The following CHCHD3 variants were observed in gnomAD, a reference collection of about 807,000 sequenced individuals.
CHCHD3 encodes MICOS complex subunit MIC19.
Under a neutral mutation model 38.2 loss-of-function variants are expected in CHCHD3, and 20 were observed. The ratio of observed to expected loss-of-function variants is 0.52; its 90% CI spans 0.37 to 0.76. The LOEUF is 0.76. Ranked by LOEUF, CHCHD3 falls within the 30% of genes least tolerant of loss-of-function variation. The probability of loss-of-function intolerance (pLI) is 0.00; values close to 1 mark genes in which losing one functional copy is unlikely to be tolerated. For synonymous variants in CHCHD3, 82 were observed against 100.0 expected (o/e 0.82, Z 1.07); for missense variants, 245 against 279.2 (o/e 0.88, Z 0.87).
At chr7:132,963,663 C>G (rs965529128) in intron 4 of CHCHD3, among the ~76,000 whole-genome samples, 38 of 148,422 alleles carry the variant, frequency 2.6e-4, no homozygotes, top group African/African-American at 9.1e-4. Flanking sequence ...CCTAGTGTCT[C>G]TACCTTTACC....
At chr7:133,075,350 T>C (rs1019590173) in intron 1 of CHCHD3, among the ~76,000 whole-genome samples, 1 of 152,162 alleles carries the variant, frequency 6.6e-6, no homozygotes, top group Non-Finnish European at 1.5e-5. Flanking sequence ...ACTCCACCTT[T>C]CTCTTGTTCT....
intron 2 of CHCHD3, among the ~76,000 whole-genome samples, chr7:133,061,182 G>A (rs1169372663): frequency 6.6e-6 from 1 of 152,016 alleles, no homozygotes; most frequent in Non-Finnish European, 1.5e-5. Flanking sequence ...ACAGAGGAAT[G>A]GCATGATTAG....
intron 5 of CHCHD3, among the ~76,000 whole-genome samples, chr7:132,879,062 T>G (rs969724477): frequency 6.6e-6 from 1 of 152,140 alleles, no homozygotes; most frequent in African/African-American, 2.4e-5. Context: ...ATCTTCAATA[T>G]AGTAAGCACA....
At chr7:132,804,911 G>C (rs1806876478) in intron 6 of CHCHD3, among the ~76,000 whole-genome samples, 1 of 152,180 alleles carries the variant, frequency 6.6e-6, no homozygotes, top group Admixed American at 6.5e-5. Context: ...GCAGTGGGAG[G>C]AGGGGTAGAG....
chr7:133,011,790 T>G (rs189878536), intron 3 of CHCHD3, among the ~76,000 whole-genome samples: 155 of 152,316 alleles, frequency 1.0e-3, no homozygotes, highest in African/African-American at 3.6e-3. Context: ...TCGTCAATAA[T>G]AAAAAATCTT....
intron 5 of CHCHD3, among the ~76,000 whole-genome samples, chr7:132,875,957 A>G (rs1808886546): frequency 6.6e-6 from 1 of 152,238 alleles, no homozygotes; most frequent in South Asian, 2.1e-4. Flanking sequence ...ATGACCAAAT[A>G]TATCTTTTTA....
chr7:132,833,011 T>C (rs1379903211), intron 6 of CHCHD3, among the ~76,000 whole-genome samples: 8 of 152,234 alleles, frequency 5.3e-5, no homozygotes, highest in Admixed American at 4.6e-4. Context: ...CGATAGCACA[T>C]AGTTTCATAA....
intron 4 of CHCHD3, among the ~76,000 whole-genome samples, chr7:132,956,501 T>C (rs1209243644): frequency 6.6e-6 from 1 of 152,172 alleles, no homozygotes; most frequent in Non-Finnish European, 1.5e-5. Flanking sequence ...CAATGGGCAT[T>C]GGTTATGACA....
At chr7:132,970,266 C>A (rs184361082) in intron 4 of CHCHD3, among the ~76,000 whole-genome samples, 1 of 152,198 alleles carries the variant, frequency 6.6e-6, no homozygotes, top group Non-Finnish European at 1.5e-5. Flanking sequence ...ACTCATACTT[C>A]AAGAGTCAGC....
chr7:133,054,104 A>G (rs1351816936), intron 2 of CHCHD3, among the ~76,000 whole-genome samples: 3 of 152,222 alleles, frequency 2.0e-5, no homozygotes, highest in South Asian at 2.1e-4. Flanking sequence ...GCTAAAAAAC[A>G]AACTATACCT....
chr7:133,030,797 TTATAGA>T (rs1364511537), intron 2 of CHCHD3, among the ~76,000 whole-genome samples: 24 of 152,194 alleles, frequency 1.6e-4, no homozygotes, highest in Admixed American at 6.5e-4. Flanking sequence ...TGTCAATTAG[TTATAGA>T]TATAAACACT....
intron 5 of CHCHD3, among the ~76,000 whole-genome samples, chr7:132,865,318 T>A (rs1039294474): frequency 3.3e-5 from 5 of 152,144 alleles, no homozygotes; most frequent in African/African-American, 1.2e-4. Context: ...CCTGTTTTAA[T>A]CATGGGGAAG....
chr7:132,827,931 C>T (rs572667504), intron 6 of CHCHD3, among the ~76,000 whole-genome samples: 1 of 152,222 alleles, frequency 6.6e-6, no homozygotes, highest in South Asian at 2.1e-4. Context: ...CCCTATATTC[C>T]AATCAGCTTT....
chr7:133,043,300 A>C (rs568623880), intron 2 of CHCHD3, among the ~76,000 whole-genome samples: 25 of 152,268 alleles, frequency 1.6e-4, no homozygotes, highest in Non-Finnish European at 3.1e-4. Flanking sequence ...TGGACCAACC[A>C]TATTTTTTAA....
chr7:132,846,016 A>G (rs565532412), intron 5 of CHCHD3, among the ~76,000 whole-genome samples: 1 of 152,302 alleles, frequency 6.6e-6, no homozygotes, highest in African/African-American at 2.4e-5. Flanking sequence ...TAAGAAAATT[A>G]TTGCTATACC....
intron 5 of CHCHD3, among the ~76,000 whole-genome samples, chr7:132,859,234 A>G (rs1808421988): frequency 6.6e-6 from 1 of 152,280 alleles, no homozygotes; most frequent in South Asian, 2.1e-4. Flanking sequence ...GTTATTATAT[A>G]TTAAAAATTC....
intron 2 of CHCHD3, among the ~76,000 whole-genome samples, chr7:133,040,060 C>T (rs574092458): frequency 1.2e-4 from 18 of 152,264 alleles, no homozygotes; most frequent in African/African-American, 3.1e-4. Context: ...AACCTATATT[C>T]GACCCCACAT....
intron 5 of CHCHD3, among the ~76,000 whole-genome samples, chr7:132,847,081 T>C (rs1808093158): frequency 1.3e-5 from 2 of 152,190 alleles, no homozygotes; most frequent in Admixed American, 6.5e-5. Context: ...CCCCGAGCAG[T>C]TGACTTCTGT....
chr7:132,805,949 T>A (rs1178032957), intron 6 of CHCHD3, among the ~76,000 whole-genome samples: 2 of 152,214 alleles, frequency 1.3e-5, no homozygotes, highest in Non-Finnish European at 2.9e-5. Flanking sequence ...CACCACGATC[T>A]AAAGCGTGGA....
Sources: gnomAD v4.1 joint callset for allele counts (sites outside exome capture counted in the v4.1 genomes callset) on GRCh38, gnomAD v4.1.1 for gene constraint, MANE v1.5 for transcripts, NCBI Gene and HGNC (gene_info 2026-07-23, HGNC 2026-07-21) for gene names.